NDP: variants seen among roughly 807,000 people sequenced by gnomAD.
The protein encoded by NDP is norrin.
Under a neutral mutation model 8.4 loss-of-function variants are expected in NDP, and 2 were observed. That is an observed-to-expected ratio of 0.24 (90% CI 0.10 to 0.75). NDP has a LOEUF of 0.75. Ranked by LOEUF, NDP falls within the 30% of genes least tolerant of loss-of-function variation. NDP has a pLI of 0.73. For synonymous variants in NDP, 55 were observed against 45.6 expected (o/e 1.21, Z -0.83); for missense variants, 81 against 110.1 (o/e 0.74, Z 1.18).
intron 1 of NDP, among the ~76,000 whole-genome samples, chrX:43,966,818 A>G (rs761279184): frequency 8.1e-5 from 9 of 111,437 alleles, no homozygotes; most frequent in African/African-American, 2.9e-4. Flanking sequence ...GCTGCGTTTG[A>G]ACCTCCTCAC....
At position 43,955,447 on chromosome X, in the gene NDP, C is replaced by CATGGAGCTGG. The variant is rs1164903310; in HGVS notation, c.174+3015_174+3024dup. ...CCTCAAAGTCACTCATTCGGCAAGCCATGGAGCTGGAATTGGAAACCAGGT... is the reference window on the plus strand; with the variant it reads ...CCTCAAAGTCACTCATTCGGCAAGCCATGGAGCTGGATGGAGCTGGAATTGGAAACCAGGT... On this transcript the variant is annotated intron_variant, in intron 2 of 2. Transcript: ENST00000642620. Among the ~76,000 whole-genome samples the CATGGAGCTGG allele has an allele frequency of 2.7e-5, 3 of 111,983 alleles. No individual in the cohort carries two copies. In the Admixed American group the frequency reaches 2.8e-4, roughly 11 times the overall value.
intron 2 of NDP, among the ~76,000 whole-genome samples, chrX:43,955,757 C>G (rs1200733543): frequency 8.9e-6 from 1 of 112,334 alleles, no homozygotes; most frequent in Admixed American, 9.4e-5. Flanking sequence ...CTGCCTGACT[C>G]CCTCTCAGTC....
intron 1 of NDP, among the ~76,000 whole-genome samples, chrX:43,965,574 C>G (rs945819597): frequency 9.0e-5 from 10 of 111,460 alleles, no homozygotes; most frequent in Non-Finnish European, 1.1e-4. Flanking sequence ...AGAAGAAAGG[C>G]TAATATTAAT....
chrX:43,969,319 C>T (rs2147214452), intron 1 of NDP: 1 of 111,949 alleles, frequency 8.9e-6, no homozygotes, highest in African/African-American at 3.2e-5. Flanking sequence ...GTCTCTCTTT[C>T]TTTCTGTTTG....
intron 1 of NDP, among the ~76,000 whole-genome samples, chrX:43,960,213 C>T (rs1441594412): frequency 8.9e-6 from 1 of 111,746 alleles, no homozygotes; most frequent in African/African-American, 3.3e-5. Context: ...AGGGAACCCA[C>T]CTGGACTTGA....
In NDP at chrX:43,949,950, A is replaced by G; in HGVS notation, c.251T>C (p.Val84Ala). 8.3e-7 allele frequency: 1 copy of G among 1,208,000 alleles called. No homozygotes were observed. Among genetic ancestry groups the G allele is most frequent in the Non-Finnish European group, 1.1e-6 (1 of 893,777 alleles). ...RSEPLVSFSTVLKQPFRSSCH... is the reference protein window; with the variant it reads ...RSEPLVSFSTALKQPFRSSCH... ...GGAGGAACGGAAGGGTTGCTTGAGG[A>G]CAGTGCTGAACGACACCAAAGGCTC... Residue 84 changes from valine to alanine, a missense_variant, in exon 3 of 3, where the codon GTC becomes GCC. By Grantham distance (64) the Val-to-Ala change is moderately conservative. Transcript: ENST00000642620.
chrX:43,972,357 A>G (rs992047327), intron 1 of NDP, among the ~76,000 whole-genome samples: 3 of 110,703 alleles, frequency 2.7e-5, no homozygotes. Context: ...TACACAATCA[A>G]ACTTCCCGTC....
At position 43,958,536 on chromosome X, in the gene NDP, C is replaced by T. The variant is rs1424333066; in HGVS notation, c.110G>A (p.Arg37Gln). ...CACATAGTGGTGCCTCATGCAGCGTCGAGGGTCCGAGTCCATTATGAATGA... is the reference window on the plus strand; with the variant it reads ...CACATAGTGGTGCCTCATGCAGCGTTGAGGGTCCGAGTCCATTATGAATGA... ...DSSFIMDSDP[R>Q]RCMRHHYVDS... The change falls in exon 2 of 3, where the codon CGA becomes CAA. Residue 37 changes from arginine (R) to glutamine (Q), a missense_variant. Arg to Gln is a conservative substitution (Grantham distance 43). Coordinates refer to ENST00000642620, the MANE Select transcript of NDP (RefSeq NM_000266.4). 3.3e-6 allele frequency: 4 copies of T among 1,210,100 alleles called. No individual in the cohort carries two copies. The highest frequency in any genetic ancestry group is 1.8e-5 in the South Asian group (1 of 56,857).
At chrX:43,951,976 T>C (rs979524286) in intron 2 of NDP, among the ~76,000 whole-genome samples, 7 of 111,947 alleles carry the variant, frequency 6.3e-5, no homozygotes, top group African/African-American at 2.3e-4. Context: ...AAATGATTGT[T>C]TGTTTGTTTT....
intron 2 of NDP, chrX:43,953,302 C>A (rs2035773214): frequency 8.9e-6 from 1 of 112,594 alleles, no homozygotes; most frequent in African/African-American, 3.2e-5. Context: ...TTCTGCCATG[C>A]CTTACTTGTG....
intron 1 of NDP, among the ~76,000 whole-genome samples, chrX:43,968,064 G>A (rs928568906): frequency 4.5e-5 from 5 of 112,006 alleles, no homozygotes; most frequent in Admixed American, 9.4e-5. Context: ...GACCCCAACT[G>A]GATGAATTCC....
chrX:43,963,753 C>T (rs1403058501), intron 1 of NDP, among the ~76,000 whole-genome samples: 1 of 112,489 alleles, frequency 8.9e-6, no homozygotes, highest in Non-Finnish European at 1.9e-5. Flanking sequence ...AACTAGATGC[C>T]TTGGAGAATA....
At chrX:43,953,843 C>G (rs1292087446) in intron 2 of NDP, among the ~76,000 whole-genome samples, 1 of 112,803 alleles carries the variant, frequency 8.9e-6, no homozygotes, top group Non-Finnish European at 1.9e-5. Context: ...TATGCCAACT[C>G]ACAGACTTCC....
intron 2 of NDP, chrX:43,953,210 A>G (rs747542054): frequency 9.0e-6 from 1 of 110,786 alleles, no homozygotes; most frequent in African/African-American, 3.3e-5. Context: ...GTAAAGCAGA[A>G]GTTTGAAAGA....
rs760193414 is a variant in NDP at position 43,972,497 on chromosome X, C to A, written c.-208+807G>T. 1.3e-4 allele frequency among the ~76,000 whole-genome samples: 15 copies of A among 111,673 alleles called. 1 individual carries two copies. In the South Asian group the frequency reaches 5.4e-3, roughly 40 times the overall value. The stretch of plus-strand genomic sequence containing the variant: ...AGGAGTCATTCCTACAGGTCCTGGT[C>A]TCTGTGCTGGTGGGAGCATCCTTTC... On this transcript the variant is annotated intron_variant, in intron 1 of 2. Coordinates refer to ENST00000642620, the MANE Select transcript of NDP (RefSeq NM_000266.4).
chrX:43,949,531 G>A lies in NDP; in HGVS notation c.*268C>T. 2.6e-6 allele frequency: 1 copy of A among 384,540 alleles called. No individual in the cohort carries two copies. Among genetic ancestry groups the A allele is most frequent in the South Asian group, 3.6e-5 (1 of 27,426 alleles). The allele number at this position is 384,540 out of a possible 1,213,427, so 31.7% of individuals were successfully genotyped here. The stretch of plus-strand genomic sequence containing the variant: ...TGCTGAATTGTTGGAAACCCAAACA[G>A]CATTGAGAGCCAAGGGGGAAAATGC... On this transcript the variant is annotated 3_prime_UTR_variant, in exon 3 of 3. Coordinates refer to ENST00000642620, the MANE Select transcript of NDP (RefSeq NM_000266.4).
chrX:43,958,667 T>C lies in NDP; in HGVS notation c.-22A>G. ...TCATTGTTGTAAGGAAAAACTTCTCTAGAAGAACAGCAGAGGGAGGCAGAG... is the reference window on the plus strand; with the variant it reads ...TCATTGTTGTAAGGAAAAACTTCTCCAGAAGAACAGCAGAGGGAGGCAGAG... On this transcript the variant is annotated 5_prime_UTR_variant, in exon 2 of 3. Transcript: ENST00000642620. 8.3e-7 allele frequency: 1 copy of C among 1,198,966 alleles called. No individual in the cohort carries two copies. Among genetic ancestry groups the C allele is most frequent in the Non-Finnish European group, 1.1e-6 (1 of 884,137 alleles).
intron 1 of NDP, among the ~76,000 whole-genome samples, chrX:43,959,057 C>G (rs1485943233): frequency 8.9e-6 from 1 of 112,184 alleles, no homozygotes; most frequent in East Asian, 2.8e-4. Flanking sequence ...GAGGTGGACA[C>G]AATGGTTTAA....
intron 2 of NDP, among the ~76,000 whole-genome samples, chrX:43,957,459 T>A (rs2035801231): frequency 9.0e-6 from 1 of 110,906 alleles, no homozygotes; most frequent in Non-Finnish European, 1.9e-5. Flanking sequence ...TTAACTCGAA[T>A]TCTGATCCTC....
Sources: allele counts gnomAD v4.1 joint callset (sites outside exome capture counted in the v4.1 genomes callset), GRCh38; gene constraint gnomAD v4.1.1; transcripts MANE v1.5; gene names NCBI Gene and HGNC (gene_info 2026-07-23, HGNC 2026-07-21).